Variants in GPC5 observed in about 807,000 individuals in gnomAD.
The protein encoded by GPC5 is glypican 5.
Under a neutral mutation model 53.9 loss-of-function variants are expected in GPC5, and 47 were observed. The observed-to-expected ratio is 0.87, with a 90% CI of 0.69 to 1.11. The LOEUF is 1.11. GPC5 is among the 50% of genes most tolerant of loss of function. The pLI is 0.00. For missense variants in GPC5, 748 were observed against 713.1 expected, an observed-to-expected ratio of 1.05 and a Z score of -0.56; for synonymous variants, 286 against 263.3, an observed-to-expected ratio of 1.09 and a Z score of -0.84.
At chr13:92,133,739 T>A (rs1156662132) in intron 6 of GPC5, among the ~76,000 whole-genome samples, 1 of 152,168 alleles carries the variant, frequency 6.6e-6, no homozygotes, top group African/African-American at 2.4e-5. Context: ...GACACAAATC[T>A]TGTTGTAGTG....
intron 2 of GPC5, among the ~76,000 whole-genome samples, chr13:91,642,877 G>T (rs998172319): frequency 2.6e-5 from 4 of 152,110 alleles, no homozygotes. Context: ...TATTCAAGTA[G>T]TTTGTTGAGT....
At chr13:92,807,970 T>C (rs978800842) in intron 7 of GPC5, among the ~76,000 whole-genome samples, 1 of 152,068 alleles carries the variant, frequency 6.6e-6, no homozygotes, top group Non-Finnish European at 1.5e-5. Context: ...TGTCAACATA[T>C]TAAAATTATT....
chr13:92,790,728 G>A (rs1312627103), intron 7 of GPC5, among the ~76,000 whole-genome samples: 2 of 152,040 alleles, frequency 1.3e-5, no homozygotes, highest in African/African-American at 4.8e-5. Context: ...GTGTTTGTGT[G>A]TGGTTTTAAC....
At chr13:92,269,836 T>C (rs1004244549) in intron 7 of GPC5, among the ~76,000 whole-genome samples, 2 of 152,224 alleles carry the variant, frequency 1.3e-5, no homozygotes, top group Non-Finnish European at 2.9e-5. Context: ...CTTGTTTTCT[T>C]GCTTTATAGA....
In GPC5 at chr13:92,866,484, T is replaced by G; in HGVS notation, c.*45T>G. On this transcript the variant is annotated 3_prime_UTR_variant, in exon 8 of 8. Transcript: ENST00000377067. ...CATACCTTACTGAAGTCTCGATTTCTTCTCTCTCTGCATATGCCTGGAATA... is the reference window on the plus strand; with the variant it reads ...CATACCTTACTGAAGTCTCGATTTCGTCTCTCTCTGCATATGCCTGGAATA... 6.8e-7 allele frequency: 1 copy of G among 1,465,842 alleles called. No individual in the cohort carries two copies. Among genetic ancestry groups the G allele is most frequent in the East Asian group, 2.4e-5 (1 of 40,996 alleles). 90.8% of individuals were successfully genotyped at this position (1,465,842 alleles called of 1,614,324 possible). A position where few individuals can be genotyped will look rare whatever the true frequency, so the allele number is the denominator to read the frequency against.
intron 2 of GPC5, among the ~76,000 whole-genome samples, chr13:91,618,636 C>T (rs185910634): frequency 6.6e-5 from 9 of 136,404 alleles, no homozygotes; most frequent in Admixed American, 1.6e-4. Flanking sequence ...ATCTTGATTA[C>T]GCATTTTAAT....
At chr13:92,330,625 T>A (rs2043282029) in intron 7 of GPC5, among the ~76,000 whole-genome samples, 1 of 152,200 alleles carries the variant, frequency 6.6e-6, no homozygotes, top group African/African-American at 2.4e-5. Flanking sequence ...TTAAACCTCC[T>A]CTAAAATGTT....
chr13:92,062,163 G>T (rs1278051801), intron 6 of GPC5, among the ~76,000 whole-genome samples: 1 of 151,498 alleles, frequency 6.6e-6, no homozygotes, highest in African/African-American at 2.4e-5. Context: ...TTTTTTGGGG[G>T]GAATTAGACT....
chr13:92,528,206 C>G (rs2138983166), intron 7 of GPC5, among the ~76,000 whole-genome samples: 1 of 152,192 alleles, frequency 6.6e-6, no homozygotes, highest in Non-Finnish European at 1.5e-5. Flanking sequence ...TATGGGAATG[C>G]TGTACTAAAT....
chr13:92,008,220 G>A lies in GPC5; in HGVS notation c.1401+100163G>A, dbSNP rs967223648. ...TGGGACTACAGGCGCCCGCTACCAC[G>A]CCCGGCTAATTTTTTGTATTTTTAG... On this transcript the variant is annotated intron_variant, in intron 6 of 7. Transcript: ENST00000377067. 3.3e-5 allele frequency among the ~76,000 whole-genome samples: 5 copies of A among 151,878 alleles called. No individual in the cohort carries two copies. In the East Asian group the frequency reaches 7.8e-4, roughly 24 times the overall value.
At chr13:91,408,371 T>C (rs1299661256) in intron 1 of GPC5, among the ~76,000 whole-genome samples, 1 of 152,218 alleles carries the variant, frequency 6.6e-6, no homozygotes. Context: ...TCATCCATGT[T>C]GTTGCAAATG....
At chr13:91,555,452 G>T (rs918221332) in intron 2 of GPC5, among the ~76,000 whole-genome samples, 1 of 11,394 alleles carries the variant, frequency 8.8e-5, no homozygotes, top group Middle Eastern at 0.05. Flanking sequence ...CTATATAGAA[G>T]GATGTTTTCT....
chr13:91,400,461 C>T (rs954256033), intron 1 of GPC5, among the ~76,000 whole-genome samples: 1 of 152,194 alleles, frequency 6.6e-6, no homozygotes, highest in African/African-American at 2.4e-5. Flanking sequence ...AGTTGACATT[C>T]TCAGTTTAGG....
chr13:92,794,968 C>T (rs775229086), intron 7 of GPC5, among the ~76,000 whole-genome samples: 28 of 152,078 alleles, frequency 1.8e-4, no homozygotes, highest in African/African-American at 6.7e-4. Context: ...CCCTAGGTAA[C>T]TTACAGATTC....
intron 7 of GPC5, among the ~76,000 whole-genome samples, chr13:92,194,028 G>A (rs1194990753): frequency 6.6e-6 from 1 of 152,132 alleles, no homozygotes. Context: ...AAACTCAACA[G>A]TAACTTAATA....
chr13:92,791,853 T>C (rs574837674), intron 7 of GPC5, among the ~76,000 whole-genome samples: 35 of 152,234 alleles, frequency 2.3e-4, no homozygotes, highest in African/African-American at 8.2e-4. Flanking sequence ...TAGAAACATA[T>C]ATAACATAAA....
intron 2 of GPC5, among the ~76,000 whole-genome samples, chr13:91,507,125 A>T (rs1884985375): frequency 6.6e-6 from 1 of 152,094 alleles, no homozygotes; most frequent in African/African-American, 2.4e-5. Flanking sequence ...AACAACACAG[A>T]TTTACTTCTC....
intron 7 of GPC5, among the ~76,000 whole-genome samples, chr13:92,609,994 G>A (rs1884378098): frequency 8.2e-6 from 1 of 122,260 alleles, no homozygotes; most frequent in Non-Finnish European, 1.6e-5. Flanking sequence ...TCATGCCACT[G>A]CACTCCAGTC....
rs534560597 is a variant in GPC5, at chr13:92,114,080, A to G, written c.1402-30750A>G. Among the ~76,000 whole-genome samples, 3 of 152,328 alleles carry G rather than the reference A, an allele frequency of 2.0e-5. No individual in the cohort carries two copies. In the South Asian group the frequency reaches 6.2e-4, roughly 32 times the overall value. ...ATTGGTCTGCTCCTTTATGTCAAGT[A>G]GCCATTTACTGGAAAACAAATGTTT... On this transcript the variant is annotated intron_variant, in intron 6 of 7. Coordinates refer to ENST00000377067, the MANE Select transcript of GPC5 (RefSeq NM_004466.6).
Sources: allele counts gnomAD v4.1 joint callset (sites outside exome capture counted in the v4.1 genomes callset), GRCh38; gene constraint gnomAD v4.1.1; transcripts MANE v1.5; gene names NCBI Gene and HGNC (gene_info 2026-07-23, HGNC 2026-07-21).